The following ETV1 variants were observed in gnomAD, a reference collection of about 807,000 sequenced individuals.
The protein encoded by ETV1 is ETS translocation variant 1.
Under a neutral mutation model 62.3 loss-of-function variants are expected in ETV1, and 27 were observed. The ratio of observed to expected loss-of-function variants is 0.43; its 90% CI spans 0.32 to 0.60. ETV1 has a LOEUF of 0.60. ETV1 is among the 20% of genes least tolerant of loss of function. The probability of loss-of-function intolerance (pLI) is 0.06; values close to 1 mark genes in which losing one functional copy is unlikely to be tolerated. For missense variants in ETV1, 605 were observed against 605.8 expected (o/e 1.00, Z 0.01); for synonymous variants, 222 against 199.6 (o/e 1.11, Z -0.94).
chr7:13,927,649 A>T (rs1387237620), intron 9 of ETV1, among the ~76,000 whole-genome samples: 1 of 152,234 alleles, frequency 6.6e-6, no homozygotes, highest in Non-Finnish European at 1.5e-5. Flanking sequence ...AATGACAACC[A>T]AACAAAATAT....
chr7:13,943,267 A>G (rs571240041), intron 6 of ETV1, among the ~76,000 whole-genome samples: 1 of 152,360 alleles, frequency 6.6e-6, no homozygotes, highest in African/African-American at 2.4e-5. Flanking sequence ...TTTATTCTTC[A>G]GAAAACTGCA....
At chr7:13,953,238 T>C (rs1789032481) in intron 6 of ETV1, among the ~76,000 whole-genome samples, 1 of 152,126 alleles carries the variant, frequency 6.6e-6, no homozygotes, top group Non-Finnish European at 1.5e-5. Flanking sequence ...TAAATTGAAA[T>C]GAAGTGCCTG....
chr7:13,952,583 G>C (rs1305180683), intron 6 of ETV1, among the ~76,000 whole-genome samples: 1 of 152,138 alleles, frequency 6.6e-6, no homozygotes, highest in Non-Finnish European at 1.5e-5. Context: ...ACGTTAGAAA[G>C]AGGTACATGT....
At chr7:13,947,362 T>C (rs998397196) in intron 6 of ETV1, among the ~76,000 whole-genome samples, 3 of 146,626 alleles carry the variant, frequency 2.0e-5, no homozygotes, top group Admixed American at 6.8e-5. Context: ...AAAATACTAA[T>C]TGTAATCCTA....
intron 5 of ETV1, among the ~76,000 whole-genome samples, chr7:13,980,872 C>T (rs1003147388): frequency 7.2e-5 from 11 of 152,128 alleles, no homozygotes; most frequent in African/African-American, 2.7e-4. Flanking sequence ...ATGTCACAAA[C>T]TCACCAATTC....
intron 13 of ETV1, among the ~76,000 whole-genome samples, chr7:13,896,928 A>G (rs1168198174): frequency 6.6e-6 from 1 of 152,142 alleles, no homozygotes; most frequent in Non-Finnish European, 1.5e-5. Context: ...TAAGAGGTGT[A>G]AAAAAGTGAA....
intron 13 of ETV1, among the ~76,000 whole-genome samples, chr7:13,898,606 C>T (rs1258841491): frequency 2.0e-5 from 3 of 152,034 alleles, no homozygotes; most frequent in African/African-American, 4.8e-5. Flanking sequence ...TTAACATGTT[C>T]AGATGTAAGT....
intron 9 of ETV1, among the ~76,000 whole-genome samples, chr7:13,927,889 G>C (rs1388572702): frequency 6.6e-6 from 1 of 152,068 alleles, no homozygotes; most frequent in African/African-American, 2.4e-5. Context: ...ATTGAAATTA[G>C]AACTCAAAGG....
chr7:13,954,150 C>A (rs1395802546), intron 6 of ETV1, among the ~76,000 whole-genome samples: 1 of 152,074 alleles, frequency 6.6e-6, no homozygotes, highest in African/African-American at 2.4e-5. Flanking sequence ...TACTCACTAA[C>A]AACAAGTAGT....
chr7:13,963,914 T>G (rs574472480), intron 6 of ETV1, among the ~76,000 whole-genome samples: 2 of 152,320 alleles, frequency 1.3e-5, no homozygotes, highest in South Asian at 4.1e-4. Flanking sequence ...GCAACAGCCT[T>G]TAATCTGCAA....
rs114289960 is a variant in ETV1, at chr7:13,965,183, A to G, written c.235+12244T>C. On this transcript the variant is annotated intron_variant, in intron 6 of 13. Coordinates refer to ENST00000430479, the MANE Select transcript of ETV1 (RefSeq NM_004956.5). ...CGCATAAATACACAGTGTTATCATA[A>G]ACATCTCTTGAATTCTGGTAAATAA... is the stretch of plus-strand genomic sequence containing the variant. Among the ~76,000 whole-genome samples the G allele has an allele frequency of 6.7e-3, 1,025 of 152,334 alleles. 14 individuals are homozygous for G. The highest frequency in any genetic ancestry group is 0.024 in the African/African-American group (979 of 41,570).
At chr7:13,947,392 C>CAAA (rs11352949) in intron 6 of ETV1, among the ~76,000 whole-genome samples, 10 of 86,490 alleles carry the variant, frequency 1.2e-4, no homozygotes, top group Admixed American at 3.7e-4. Context: ...ACTAACTATA[C>CAAA]AAAAAAAAAA....
In ETV1 at chr7:13,891,390, A is replaced by C; in HGVS notation, c.*4476T>G. On this transcript the variant is annotated 3_prime_UTR_variant, in exon 14 of 14. Coordinates refer to ENST00000430479, the MANE Select transcript of ETV1 (RefSeq NM_004956.5). ...CCCATAGAAGCATAAATATAATTTT[A>C]GAATGAAAGTAACTAATACTGGAGT... 1 of 231,614 alleles carries C rather than the reference A, an allele frequency of 4.3e-6. No individual in the cohort carries two copies. Among genetic ancestry groups the C allele is most frequent in the Non-Finnish European group, 8.5e-6 (1 of 117,090 alleles). 14.3% of individuals were successfully genotyped at this position (231,614 alleles called of 1,614,324 possible).
intron 9 of ETV1, among the ~76,000 whole-genome samples, chr7:13,913,510 C>T (rs2040885): frequency 0.31 from 46,679 of 151,968 alleles, 7,523 homozygotes; most frequent in East Asian, 0.39. Flanking sequence ...GGGAGGACCA[C>T]GTGGAGTAAG....
chr7:13,988,240 GCGCA>G, intron 3 of ETV1, 67 bp from the exon 4 acceptor site: 7 of 878,056 alleles, frequency 8.0e-6, no homozygotes, highest in Non-Finnish European at 1.3e-5. Flanking sequence ...GCACACGCGC[GCGCA>G]CACACACACA....
intron 9 of ETV1, among the ~76,000 whole-genome samples, chr7:13,922,444 A>T (rs1784952111): frequency 6.6e-6 from 1 of 152,226 alleles, no homozygotes; most frequent in Admixed American, 6.5e-5. Context: ...AAAACACTGA[A>T]TAGTAAGTGA....
chr7:13,911,928 A>G (rs974338623), intron 9 of ETV1, among the ~76,000 whole-genome samples: 1 of 152,188 alleles, frequency 6.6e-6, no homozygotes, highest in Non-Finnish European at 1.5e-5. Context: ...CCAACTTCTT[A>G]ACCAATGGTA....
chr7:13,977,489 GA>G lies in ETV1; in HGVS notation c.182-10del. 6.7e-7 allele frequency: 1 copy of G among 1,493,174 alleles called. No individual in the cohort carries two copies. 92.5% of individuals were successfully genotyped at this position (1,493,174 alleles called of 1,614,324 possible). A position where few individuals can be genotyped will look rare whatever the true frequency, so the allele number is the denominator to read the frequency against. On this transcript the variant is annotated splice_polypyrimidine_tract_variant and intron_variant, in intron 5 of 13. Coordinates refer to ENST00000430479, the MANE Select transcript of ETV1 (RefSeq NM_004956.5). ...ATTGTCAGGTACCTGAGCTGAAGAA[GA>G]AAAAGAAAATTAAAAAAAATTAAGA... is the stretch of plus-strand genomic sequence containing the variant.
intron 6 of ETV1, among the ~76,000 whole-genome samples, chr7:13,953,463 C>G (rs1194280366): frequency 2.0e-5 from 3 of 152,088 alleles, no homozygotes; most frequent in African/African-American, 7.2e-5. Context: ...ATGGACAATA[C>G]ATATTTAGAA....
Sources: gnomAD v4.1 joint callset for allele counts (sites outside exome capture counted in the v4.1 genomes callset) on GRCh38, gnomAD v4.1.1 for gene constraint, MANE v1.5 for transcripts, NCBI Gene and HGNC (gene_info 2026-07-23, HGNC 2026-07-21) for gene names.